Variants in HTR2C observed in about 807,000 individuals in gnomAD.
The protein encoded by HTR2C is 5-hydroxytryptamine receptor 2C, also known as 5-hydroxytryptamine (serotonin) receptor 2C, G protein-coupled.
Under a neutral mutation model 21.0 loss-of-function variants are expected in HTR2C, and 5 were observed. The ratio of observed to expected loss-of-function variants is 0.24; its 90% CI spans 0.12 to 0.50. The LOEUF is 0.50. Ranked by LOEUF, HTR2C falls within the 20% of genes least tolerant of loss-of-function variation. HTR2C has a pLI of 0.98. For missense variants in HTR2C, 271 were observed against 371.2 expected (o/e 0.73, Z 2.22); for synonymous variants, 150 against 145.3 (o/e 1.03, Z -0.23).
In HTR2C at chrX:114,726,930, A is replaced by T. The variant is rs1232972236; in HGVS notation, c.-7A>T. On this transcript the variant is annotated 5_prime_UTR_variant, in exon 3 of 6. In the 5' UTR this introduces an upstream ATG that the reference lacks. Transcript: ENST00000276198. ...TTAAACTTTGGTTGCTTAAGACTGA[A>T]GCAATCATGGTGAACCTGAGGAATG... The T allele has an allele frequency of 1.8e-6, 2 of 1,130,005 alleles. No individual in the cohort carries two copies. Among genetic ancestry groups the T allele is most frequent in the Non-Finnish European group, 1.2e-6 (1 of 847,412 alleles). 93.1% of individuals were successfully genotyped at this position (1,130,005 alleles called of 1,213,427 possible).
At chrX:114,669,742 A>G (rs1475580191) in intron 2 of HTR2C, among the ~76,000 whole-genome samples, 1 of 112,052 alleles carries the variant, frequency 8.9e-6, no homozygotes, top group Non-Finnish European at 1.9e-5. Flanking sequence ...TTTACACAAT[A>G]AACTAGGGGT....
intron 4 of HTR2C, among the ~76,000 whole-genome samples, chrX:114,806,217 A>C (rs1335756737): frequency 2.2e-5 from 2 of 89,037 alleles, no homozygotes; most frequent in Non-Finnish European, 4.1e-5. Flanking sequence ...TATACACTCT[A>C]TATACCATAT....
At chrX:114,893,629 C>T (rs1556483331) in intron 5 of HTR2C, among the ~76,000 whole-genome samples, 1 of 111,033 alleles carries the variant, frequency 9.0e-6, no homozygotes, top group African/African-American at 3.3e-5. Flanking sequence ...ATCTTCATAA[C>T]CTTGCCATAG....
intron 2 of HTR2C, among the ~76,000 whole-genome samples, chrX:114,617,829 GAACT>G (rs1929008392): frequency 9.0e-6 from 1 of 111,369 alleles, no homozygotes; most frequent in Non-Finnish European, 1.9e-5. Context: ...TCACTTACAG[GAACT>G]AACATGAAGT....
chrX:114,718,477 T>C (rs62593146), intron 2 of HTR2C, among the ~76,000 whole-genome samples: 4,279 of 112,183 alleles, frequency 0.038, 77 homozygotes, highest in Middle Eastern at 0.06. Flanking sequence ...GAATTAAATA[T>C]AATACTCATG....
chrX:114,733,708 C>T (rs2069559754), intron 4 of HTR2C, among the ~76,000 whole-genome samples: 1 of 110,012 alleles, frequency 9.1e-6, no homozygotes, highest in African/African-American at 3.3e-5. Flanking sequence ...CCTCTACTGT[C>T]TCCCACTGTC....
intron 5 of HTR2C, among the ~76,000 whole-genome samples, chrX:114,870,852 A>G (rs1445063000): frequency 9.0e-6 from 1 of 111,374 alleles, no homozygotes; most frequent in African/African-American, 3.3e-5. Context: ...ATTTTGTCTA[A>G]CATTTCAAAA....
chrX:114,744,676 T>A (rs2069684609), intron 4 of HTR2C, among the ~76,000 whole-genome samples: 1 of 110,254 alleles, frequency 9.1e-6, no homozygotes, highest in Non-Finnish European at 1.9e-5. Flanking sequence ...ATGGTCTCGA[T>A]CTCCTGACCT....
At chrX:114,673,558 T>A (rs1417228931) in intron 2 of HTR2C, among the ~76,000 whole-genome samples, 3 of 111,627 alleles carry the variant, frequency 2.7e-5, no homozygotes, top group Admixed American at 1.9e-4. Context: ...TCTTAAATCC[T>A]ACTGTTCTTA....
chrX:114,819,191 A>G (rs183311356), intron 4 of HTR2C, among the ~76,000 whole-genome samples: 2 of 112,172 alleles, frequency 1.8e-5, no homozygotes, highest in Non-Finnish European at 3.8e-5. Context: ...GGAATAACAA[A>G]GAGAATAAAT....
At chrX:114,765,653 G>A (rs1185886353) in intron 4 of HTR2C, among the ~76,000 whole-genome samples, 1 of 111,147 alleles carries the variant, frequency 9.0e-6, no homozygotes, top group Non-Finnish European at 1.9e-5. Flanking sequence ...TCTTGATATG[G>A]CTCTAGAGAC....
chrX:114,700,082 A>G (rs1391504502), intron 2 of HTR2C, among the ~76,000 whole-genome samples: 6 of 111,815 alleles, frequency 5.4e-5, no homozygotes, highest in African/African-American at 1.9e-4. Context: ...GTACTCATTC[A>G]TGTTCTTTTT....
chrX:114,692,343 G>A (rs1556415216), intron 2 of HTR2C, among the ~76,000 whole-genome samples: 2 of 111,704 alleles, frequency 1.8e-5, no homozygotes, highest in Non-Finnish European at 1.9e-5. Context: ...TACAGTCAAC[G>A]ACATGGACAA....
At chrX:114,892,316 T>A (rs2071264315) in intron 5 of HTR2C, among the ~76,000 whole-genome samples, 1 of 111,986 alleles carries the variant, frequency 8.9e-6, no homozygotes, top group African/African-American at 3.2e-5. Flanking sequence ...ATTCTTTTTC[T>A]GGAGGGGGTT....
At chrX:114,886,167 T>A (rs1166660657) in intron 5 of HTR2C, among the ~76,000 whole-genome samples, 2 of 111,414 alleles carry the variant, frequency 1.8e-5, no homozygotes, top group Admixed American at 9.6e-5. Context: ...TATATCCTCT[T>A]TAGCTCTCTT....
chrX:114,902,119 A>G (rs1295106401), intron 5 of HTR2C, among the ~76,000 whole-genome samples: 2 of 112,189 alleles, frequency 1.8e-5, no homozygotes, highest in African/African-American at 3.2e-5. Context: ...ACTTCATCAA[A>G]TAACATGTGC....
At chrX:114,779,667 A>C (rs1237276440) in intron 4 of HTR2C, among the ~76,000 whole-genome samples, 2 of 112,069 alleles carry the variant, frequency 1.8e-5, no homozygotes, top group Non-Finnish European at 3.8e-5. Flanking sequence ...ATATTTTCGT[A>C]GTCAGGTACT....
chrX:114,729,577 A>G (rs2069516190), intron 3 of HTR2C, among the ~76,000 whole-genome samples: 1 of 112,129 alleles, frequency 8.9e-6, no homozygotes, highest in Non-Finnish European at 1.9e-5. Flanking sequence ...ATTAATTATG[A>G]CATAGATTTT....
intron 2 of HTR2C, among the ~76,000 whole-genome samples, chrX:114,692,826 T>C (rs1488862987): frequency 2.7e-5 from 3 of 111,982 alleles, no homozygotes; most frequent in African/African-American, 9.7e-5. Flanking sequence ...ACAGCTTGCT[T>C]TTTTTCTTTG....
Sources: gnomAD v4.1 joint callset for allele counts (sites outside exome capture counted in the v4.1 genomes callset) on GRCh38, gnomAD v4.1.1 for gene constraint, MANE v1.5 for transcripts, NCBI Gene and HGNC (gene_info 2026-07-23, HGNC 2026-07-21) for gene names.